MSRA: variants seen among roughly 807,000 people sequenced by gnomAD.
MSRA encodes the protein mitochondrial peptide methionine sulfoxide reductase.
Under a neutral mutation model 31.3 loss-of-function variants are expected in MSRA, and 54 were observed. The ratio of observed to expected loss-of-function variants is 1.73; its 90% CI spans 1.39 to 2.17. MSRA has a LOEUF of 2.17. MSRA is among the 30% of genes most tolerant of loss of function. The probability of loss-of-function intolerance (pLI) is 0.00; values close to 1 mark genes in which losing one functional copy is unlikely to be tolerated. For missense variants in MSRA, 507 were observed against 300.9 expected, an observed-to-expected ratio of 1.69 and a Z score of -5.07; for synonymous variants, 169 against 116.5, an observed-to-expected ratio of 1.45 and a Z score of -2.90.
rs770734947 is a variant in MSRA, at chr8:10,054,532, C to G, written c.16C>G (p.Arg6Gly). ...GCGCCCTCCCATGCTCTCGGCCACCCGGAGGGCTTGCCAGCTCCTCCTCCT... is the reference window on the plus strand; with the variant it reads ...GCGCCCTCCCATGCTCTCGGCCACCGGGAGGGCTTGCCAGCTCCTCCTCCT... MLSAT[R>G]RACQLLLLHS... is the part of the protein sequence containing the mutation. The change falls in exon 1 of 6, where the codon CGG (arginine) becomes GGG (glycine). Residue 6 changes from arginine to glycine, a missense_variant. Arg to Gly is a moderately radical substitution (Grantham distance 125). Coordinates refer to ENST00000317173, the MANE Select transcript of MSRA (RefSeq NM_012331.5). 4 of 1,585,132 alleles carry G rather than the reference C, an allele frequency of 2.5e-6. No homozygotes were observed. Among genetic ancestry groups the G allele is most frequent in the South Asian group, 1.1e-5 (1 of 88,722 alleles).
At chr8:10,168,354 C>T (rs1425923875) in intron 1 of MSRA, among the ~76,000 whole-genome samples, 1 of 152,074 alleles carries the variant, frequency 6.6e-6, no homozygotes. Context: ...CCTGGTCTTC[C>T]ACGTCGCTGG....
chr8:10,415,474 C>A (rs924231295), intron 5 of MSRA, among the ~76,000 whole-genome samples: 1 of 152,120 alleles, frequency 6.6e-6, no homozygotes, highest in African/African-American at 2.4e-5. Flanking sequence ...GAAGTGGCCC[C>A]TTGTACCACT....
chr8:10,413,332 G>A (rs1174514912), intron 5 of MSRA, among the ~76,000 whole-genome samples: 1 of 152,158 alleles, frequency 6.6e-6, no homozygotes, highest in Non-Finnish European at 1.5e-5. Context: ...ACCACACTGA[G>A]ACTTCAATGG....
chr8:10,322,685 C>G (rs1041856678), intron 5 of MSRA, among the ~76,000 whole-genome samples: 1 of 152,128 alleles, frequency 6.6e-6, no homozygotes, highest in African/African-American at 2.4e-5. Context: ...GGGCCTAGCA[C>G]ATGGTAAATA....
intron 5 of MSRA, among the ~76,000 whole-genome samples, chr8:10,343,854 G>T (rs11778030): frequency 0.21 from 31,191 of 152,090 alleles, 3,816 homozygotes; most frequent in Non-Finnish European, 0.28. Context: ...CCCAAACAAA[G>T]AAAATAATCA....
chr8:10,241,007 G>T (rs1016886380), intron 2 of MSRA, among the ~76,000 whole-genome samples: 2 of 152,070 alleles, frequency 1.3e-5, no homozygotes, highest in African/African-American at 2.4e-5. Context: ...TCCTGCTTGT[G>T]CATGATTCCC....
chr8:10,190,486 G>T (rs1006402850), intron 1 of MSRA, among the ~76,000 whole-genome samples: 1 of 152,178 alleles, frequency 6.6e-6, no homozygotes, highest in African/African-American at 2.4e-5. Flanking sequence ...CCTGTCTGGT[G>T]TCTCCAGATC....
intron 5 of MSRA, among the ~76,000 whole-genome samples, chr8:10,400,303 A>T (rs1807373266): frequency 6.6e-6 from 1 of 151,884 alleles, no homozygotes; most frequent in Non-Finnish European, 1.5e-5. Context: ...GGAGACAAGA[A>T]AAAAATAAAT....
At chr8:10,091,902 C>T (rs1052428039) in intron 1 of MSRA, among the ~76,000 whole-genome samples, 4 of 152,000 alleles carry the variant, frequency 2.6e-5, no homozygotes, top group South Asian at 2.1e-4. Flanking sequence ...CCACTGTGTC[C>T]GGCCGGTAGT....
intron 1 of MSRA, among the ~76,000 whole-genome samples, chr8:10,086,187 C>T (rs796156125): frequency 1.6e-4 from 24 of 152,302 alleles, no homozygotes; most frequent in African/African-American, 5.8e-4. Context: ...TACATACTTG[C>T]CAACACTTGA....
At chr8:10,415,332 C>T (rs899046576) in intron 5 of MSRA, among the ~76,000 whole-genome samples, 3 of 152,164 alleles carry the variant, frequency 2.0e-5, no homozygotes, top group African/African-American at 7.2e-5. Flanking sequence ...AATGGGAAAA[C>T]AAATGACGGC....
At chr8:10,063,408 T>C (rs1479462135) in intron 1 of MSRA, among the ~76,000 whole-genome samples, 1 of 152,242 alleles carries the variant, frequency 6.6e-6, no homozygotes, top group Non-Finnish European at 1.5e-5. Flanking sequence ...TCTTCAATGC[T>C]GGACACTTGC....
intron 5 of MSRA, among the ~76,000 whole-genome samples, chr8:10,357,038 T>C (rs1319987537): frequency 6.6e-6 from 1 of 152,222 alleles, no homozygotes; most frequent in Non-Finnish European, 1.5e-5. Context: ...GTCTTTTGTA[T>C]TTCCTGAACA....
intron 2 of MSRA, among the ~76,000 whole-genome samples, chr8:10,229,030 C>T (rs956115917): frequency 6.6e-6 from 1 of 152,184 alleles, no homozygotes; most frequent in Non-Finnish European, 1.5e-5. Context: ...TCTTGATTCT[C>T]TTTATCATTT....
rs999917807 is a variant in MSRA, at chr8:10,307,435, G to C, written c.436+5797G>C. On this transcript the variant is annotated intron_variant, in intron 4 of 5. Transcript: ENST00000317173. ...ACCTGCCTCAGCCTTCCAAAGTTCT[G>C]GGATGACAGAGGTGGCCACTGCGCC... is the stretch of plus-strand genomic sequence containing the variant. 1.4e-4 allele frequency among the ~76,000 whole-genome samples: 21 copies of C among 152,142 alleles called. 1 individual carries two copies. Among genetic ancestry groups the C allele is most frequent in the African/African-American group, 4.8e-4 (20 of 41,426 alleles).
intron 1 of MSRA, among the ~76,000 whole-genome samples, chr8:10,135,704 A>T (rs1802223119): frequency 6.6e-6 from 1 of 152,178 alleles, no homozygotes; most frequent in Non-Finnish European, 1.5e-5. Flanking sequence ...ACCCATATGA[A>T]ATTGCCATTT....
intron 1 of MSRA, among the ~76,000 whole-genome samples, chr8:10,128,773 G>C (rs1054526038): frequency 4.6e-5 from 7 of 152,232 alleles, no homozygotes; most frequent in African/African-American, 1.7e-4. Flanking sequence ...CTCTTCATCA[G>C]AGGTACTCTT....
chr8:10,056,643 C>G (rs1357848606), intron 1 of MSRA, among the ~76,000 whole-genome samples: 1 of 151,996 alleles, frequency 6.6e-6, no homozygotes, highest in Admixed American at 6.6e-5. Flanking sequence ...GTTCCAGTCT[C>G]CACTTCTGAG....
intron 1 of MSRA, among the ~76,000 whole-genome samples, chr8:10,204,150 TAA>T (rs140517029): frequency 0.025 from 3,726 of 147,798 alleles, 69 homozygotes; most frequent in Non-Finnish European, 0.035. Context: ...GTGCTTGTGT[TAA>T]GTTATGTTAT....
Sources: gnomAD v4.1 joint callset for allele counts (sites outside exome capture counted in the v4.1 genomes callset) on GRCh38, gnomAD v4.1.1 for gene constraint, MANE v1.5 for transcripts, NCBI Gene and HGNC (gene_info 2026-07-23, HGNC 2026-07-21) for gene names.